The following ASPRV1 variants were observed in gnomAD, a reference collection of about 807,000 sequenced individuals.
ASPRV1 encodes the protein aspartic peptidase retroviral like 1, also known as retroviral-like aspartic protease 1.
A neutral mutation model predicts 11.0 loss-of-function variants in ASPRV1; 7 were observed. That is an observed-to-expected ratio of 0.64 (90% CI 0.36 to 1.20). The LOEUF is 1.20. Among genes scored for constraint, ASPRV1 ranks in the 50% most tolerant of loss-of-function variants. ASPRV1 has a pLI of 0.02. For missense variants in ASPRV1, 299 were observed against 320.0 expected (o/e 0.93, Z 0.50); for synonymous variants, 136 against 138.4 (o/e 0.98, Z 0.12).
upstream of ASPRV1, chr2:69,961,979 C>T (rs529195418): frequency 2.5e-4 from 88 of 350,424 alleles, no homozygotes; most frequent in East Asian, 2.9e-3. Context: ...GCTCAGAGAC[C>T]GGGGAAGCCG....
At chr2:69,995,650 C>T in the ASPRV1 span, among the ~76,000 whole-genome samples, 1 of 152,024 alleles carries the variant, frequency 6.6e-6, no homozygotes, top group Non-Finnish European at 1.5e-5. Context: ...GTCTGGGAAG[C>T]CTTCTTGGAG....
the ASPRV1 span, among the ~76,000 whole-genome samples, chr2:69,986,291 G>C: frequency 6.6e-6 from 1 of 152,352 alleles, no homozygotes; most frequent in South Asian, 2.1e-4. Context: ...CAGGACACAT[G>C]GCAGTGGGTA....
the ASPRV1 span, among the ~76,000 whole-genome samples, chr2:69,987,435 G>A: frequency 3.1e-4 from 47 of 151,932 alleles, no homozygotes; most frequent in African/African-American, 1.1e-3. Context: ...GCCCTGGATG[G>A]ACTTTTACAT....
the ASPRV1 span, chr2:69,943,042 G>C: frequency 5.9e-5 from 9 of 152,094 alleles, no homozygotes; most frequent in Non-Finnish European, 7.4e-5. Context: ...TTTAATTTAA[G>C]GGAAACTTCA....
the ASPRV1 span, among the ~76,000 whole-genome samples, chr2:70,054,637 T>A: frequency 2.0e-5 from 3 of 152,088 alleles, no homozygotes; most frequent in Admixed American, 1.3e-4. Context: ...GGATTTCTAG[T>A]GCATGGAACA....
chr2:70,047,337 G>A, the ASPRV1 span, among the ~76,000 whole-genome samples: 2 of 152,186 alleles, frequency 1.3e-5, no homozygotes, highest in Non-Finnish European at 2.9e-5. Context: ...AAGATGAGCT[G>A]GTTCAGAAAA....
chr2:70,043,159 A>G, the ASPRV1 span, among the ~76,000 whole-genome samples: 1 of 152,136 alleles, frequency 6.6e-6, no homozygotes, highest in Admixed American at 6.5e-5. Context: ...AGGCCAAAAA[A>G]GCTGTATGCC....
chr2:70,015,925 T>A, the ASPRV1 span: 1 of 152,222 alleles, frequency 6.6e-6, no homozygotes, highest in Admixed American at 6.5e-5. Context: ...ATTTTGCCAC[T>A]GCACTCCAGC....
chr2:69,938,843 C>T, the ASPRV1 span: 1 of 153,134 alleles, frequency 6.5e-6, no homozygotes, highest in African/African-American at 2.4e-5. Context: ...CGCGCATGCT[C>T]ATTCCCCCGA....
At chr2:69,962,199 GACACACACACAC>G (rs56262722), upstream of ASPRV1, 82 of 163,508 alleles carry the variant, frequency 5.0e-4, no homozygotes, top group South Asian at 0.016. Flanking sequence ...AGTGAGTGAG[GACACACACACAC>G]ACACACACAC....
chr2:70,063,963 C>T, the ASPRV1 span: 1 of 152,204 alleles, frequency 6.6e-6, no homozygotes, highest in African/African-American at 2.4e-5. Context: ...TCATCTTATC[C>T]TTCAGGCCTT....
the ASPRV1 span, among the ~76,000 whole-genome samples, chr2:70,080,233 T>C: frequency 4.6e-3 from 422 of 91,982 alleles, 1 homozygote; most frequent in Non-Finnish European, 5.9e-3. Context: ...GCCCCTTCTG[T>C]TTTTTTTTTT....
At chr2:69,981,559 G>A in the ASPRV1 span, among the ~76,000 whole-genome samples, 6 of 152,162 alleles carry the variant, frequency 3.9e-5, no homozygotes, top group African/African-American at 1.4e-4. Context: ...CTTTGTTGTT[G>A]TTGTTTGTTT....
At chr2:69,972,192 G>C in the ASPRV1 span, among the ~76,000 whole-genome samples, 3 of 150,792 alleles carry the variant, frequency 2.0e-5, no homozygotes, top group African/African-American at 7.3e-5. Context: ...CTCCCCAGTC[G>C]CTGAGATTAT....
chr2:69,984,610 C>CTTATTT, the ASPRV1 span, among the ~76,000 whole-genome samples: 1 of 65,356 alleles, frequency 1.5e-5, no homozygotes, highest in South Asian at 8.7e-4. Context: ...TCAGGTCCAG[C>CTTATTT]TTTTTTTTTT....
the ASPRV1 span, among the ~76,000 whole-genome samples, chr2:70,080,492 G>A: frequency 1.3e-5 from 2 of 152,180 alleles, no homozygotes; most frequent in Admixed American, 1.3e-4. Context: ...CGCCCAAAGT[G>A]CTGGGATTAC....
Position 69,961,031 on chromosome 2 carries a change from C to G in ASPRV1, c.406G>C (p.Val136Leu). 1 of 1,614,096 alleles carries G rather than the reference C, an allele frequency of 6.2e-7. No homozygotes were observed. Among genetic ancestry groups the G allele is most frequent in the Non-Finnish European group, 8.5e-7 (1 of 1,179,998 alleles). The stretch of plus-strand genomic sequence containing the variant: ...ACCTCCTCCCACAAGTTTGGGTGGA[C>G]CACAGAGACCTGGGCCCCAGAGTCC... ...LVDSGAQVSVVHPNLWEEVTD... is the reference protein window; with the variant it reads ...LVDSGAQVSVLHPNLWEEVTD... The change falls in exon 1 of 1, where the codon GTC becomes CTC. Residue 136 changes from valine to leucine, a missense_variant. Val to Leu is a conservative substitution (Grantham distance 32). Transcript: ENST00000320256.
Position 69,961,580 on chromosome 2 carries a change from G to A in ASPRV1, c.-144C>T. 1 of 1,613,688 alleles carries A rather than the reference G, an allele frequency of 6.2e-7. No individual in the cohort carries two copies. Among genetic ancestry groups the A allele is most frequent in the South Asian group, 1.1e-5 (1 of 91,062 alleles). On this transcript the variant is annotated 5_prime_UTR_variant, in exon 1 of 1. Transcript: ENST00000320256. The stretch of plus-strand genomic sequence containing the variant: ...TGCCCGGCCTTGGGCAAGCAGGAGG[G>A]AGCAGGCGCGGTCGGCTGGCTGACT...
chr2:70,061,532 C>A, the ASPRV1 span, among the ~76,000 whole-genome samples: 2 of 152,256 alleles, frequency 1.3e-5, no homozygotes, highest in Non-Finnish European at 2.9e-5. Flanking sequence ...GGTCAACGAA[C>A]TGTGAGCAGA....
Sources: allele counts gnomAD v4.1 joint callset (sites outside exome capture counted in the v4.1 genomes callset), GRCh38; gene constraint gnomAD v4.1.1; transcripts MANE v1.5; gene names NCBI Gene and HGNC (gene_info 2026-07-23, HGNC 2026-07-21).